Variants in ADSS1 observed in about 807,000 individuals in gnomAD.
ADSS1 encodes adenylosuccinate synthetase isozyme 1.
Under a neutral mutation model 59.1 loss-of-function variants are expected in ADSS1, and 57 were observed. The ratio of observed to expected loss-of-function variants is 0.97; its 90% CI spans 0.78 to 1.20. The LOEUF is 1.20. Ranked by LOEUF, ADSS1 falls within the 50% of genes most tolerant of loss-of-function variation. The probability of loss-of-function intolerance (pLI) is 0.00; values close to 1 mark genes in which losing one functional copy is unlikely to be tolerated. For missense variants in ADSS1, 603 were observed against 610.3 expected, an observed-to-expected ratio of 0.99 and a Z score of 0.13; for synonymous variants, 247 against 249.4, an observed-to-expected ratio of 0.99 and a Z score of 0.09.
At chr14:104,725,482 C>A (rs148971470) in intron 1 of ADSS1, among the ~76,000 whole-genome samples, 1 of 151,356 alleles carries the variant, frequency 6.6e-6, no homozygotes, top group Non-Finnish European at 1.5e-5. Flanking sequence ...GGGCCCAAGA[C>A]GAAGGGAGTC....
rs1197941914 is a variant in ADSS1, at chr14:104,747,080, C to T, written c.*77C>T. Reference sequence around the variant, plus strand: ...AACAGCAGCAGTCACGTTCCTCGGCCGCCACAACCAACACCAAAGCAGGAA... The same window carrying T: ...AACAGCAGCAGTCACGTTCCTCGGCTGCCACAACCAACACCAAAGCAGGAA... On this transcript the variant is annotated 3_prime_UTR_variant, in exon 13 of 13. Coordinates refer to ENST00000330877, the MANE Select transcript of ADSS1 (RefSeq NM_152328.5). 5.2e-6 allele frequency: 7 copies of T among 1,342,404 alleles called. No homozygotes were observed. Among genetic ancestry groups the T allele is most frequent in the African/African-American group, 4.3e-5 (3 of 69,090 alleles). 83.2% of individuals were successfully genotyped at this position (1,342,404 alleles called of 1,614,324 possible).
At chr14:104,738,779 G>A (rs1015736222) in intron 3 of ADSS1, among the ~76,000 whole-genome samples, 1 of 152,250 alleles carries the variant, frequency 6.6e-6, no homozygotes, top group Non-Finnish European at 1.5e-5. Flanking sequence ...TGGGGGCTCT[G>A]CGGAGCATCT....
chr14:104,727,235 C>T (rs1039019263), intron 1 of ADSS1, among the ~76,000 whole-genome samples: 13 of 152,196 alleles, frequency 8.5e-5, no homozygotes, highest in Non-Finnish European at 1.8e-4. Context: ...CACAGCCTCC[C>T]GCCTTGGGTC....
In ADSS1 at chr14:104,747,076, C is replaced by A; in HGVS notation, c.*73C>A. Reference sequence around the variant, plus strand: ...TGTAAACAGCAGCAGTCACGTTCCTCGGCCGCCACAACCAACACCAAAGCA... The same window carrying A: ...TGTAAACAGCAGCAGTCACGTTCCTAGGCCGCCACAACCAACACCAAAGCA... On this transcript the variant is annotated 3_prime_UTR_variant, in exon 13 of 13. Coordinates refer to ENST00000330877, the MANE Select transcript of ADSS1 (RefSeq NM_152328.5). 7.2e-7 allele frequency: 1 copy of A among 1,385,522 alleles called. No individual in the cohort carries two copies. Among genetic ancestry groups the A allele is most frequent in the Non-Finnish European group, 9.9e-7 (1 of 1,006,772 alleles). The allele number at this position is 1,385,522 out of a possible 1,614,324, so 85.8% of individuals were successfully genotyped here. A position where few individuals can be genotyped will look rare whatever the true frequency, so the allele number is the denominator to read the frequency against.
At chr14:104,742,789 C>T (rs566956544) in intron 9 of ADSS1, among the ~76,000 whole-genome samples, 64 of 152,356 alleles carry the variant, frequency 4.2e-4, no homozygotes, top group African/African-American at 8.7e-4. Flanking sequence ...CGTGCCTTCC[C>T]CAGCTCACAA....
intron 1 of ADSS1, among the ~76,000 whole-genome samples, chr14:104,729,222 G>A (rs533024927): frequency 1.3e-5 from 2 of 152,296 alleles, no homozygotes; most frequent in Admixed American, 1.3e-4. Context: ...CAAGTGGGCC[G>A]GGAGTGGAGG....
Position 104,740,443 on chromosome 14 carries a change from G to A in ADSS1, c.477-158G>A, listed in dbSNP as rs555392639. Among the ~76,000 whole-genome samples the A allele has an allele frequency of 5.9e-5, 9 of 152,030 alleles. No homozygotes were observed. Among genetic ancestry groups the A allele is most frequent in the Admixed American group, 2.6e-4 (4 of 15,278 alleles). ...ACCATACCAGTACATCCATGCTAGT[G>A]CGTACACCCACACACGCACACACTC... On this transcript the variant is annotated intron_variant, in intron 5 of 12. Transcript: ENST00000330877. The surrounding 1 kb of genome is among the most constrained non-coding windows in gnomAD (Gnocchi z 4.8).
chr14:104,743,180 C>T lies in ADSS1; in HGVS notation c.1062C>T (p.Asn354=), dbSNP rs776105648. ...TTCTAAGATATGCTCACATGGTCAA[C>T]GGATTCACTGCGTAAGCAACCCATG... ...LMILRYAHMV[N]GFTALALTKL... The change falls in exon 10 of 13, where the codon AAC becomes AAT. Residue 354 remains asparagine (N), a synonymous_variant. Coordinates refer to ENST00000330877, the MANE Select transcript of ADSS1 (RefSeq NM_152328.5). The T allele has an allele frequency of 8.7e-6, 14 of 1,611,168 alleles. No homozygotes were observed. Among genetic ancestry groups the T allele is most frequent in the South Asian group, 2.2e-5 (2 of 91,076 alleles).
chr14:104,730,959 G>T (rs1410764012), intron 1 of ADSS1, among the ~76,000 whole-genome samples: 1 of 24,082 alleles, frequency 4.2e-5, no homozygotes, highest in Non-Finnish European at 9.1e-5. Context: ...GGCAGAGAGT[G>T]GGGGGGGGGG....
At chr14:104,738,114 A>G (rs1008667784) in intron 2 of ADSS1, 8 of 290,360 alleles carry the variant, frequency 2.8e-5, no homozygotes, top group African/African-American at 1.8e-4. Context: ...CTCCTGCCTC[A>G]GCCTCCCGAG....
intron 1 of ADSS1, among the ~76,000 whole-genome samples, chr14:104,731,862 C>G (rs1278864616): frequency 1.3e-5 from 2 of 152,222 alleles, no homozygotes; most frequent in South Asian, 2.1e-4. Context: ...CTGGAACAAG[C>G]AGACCCTGAG....
chr14:104,734,045 A>C (rs1891028466), intron 1 of ADSS1, among the ~76,000 whole-genome samples: 1 of 152,318 alleles, frequency 6.6e-6, no homozygotes, highest in Non-Finnish European at 1.5e-5. Flanking sequence ...TGCTGTAGGG[A>C]TATCCCTTGC....
Position 104,744,875 on chromosome 14 carries a change from C to T in ADSS1, c.1137C>T (p.Tyr379=), listed in dbSNP as rs1475940553. The change falls in exon 11 of 13, where the codon TAC becomes TAT. Residue 379 remains tyrosine (Y), a synonymous_variant. Coordinates refer to ENST00000330877, the MANE Select transcript of ADSS1 (RefSeq NM_152328.5). ...VLGEVKVGVS[Y]KLNGKRIPYF... ...GTGAGGTTAAAGTCGGTGTCTCATA[C>T]AAGCTGAACGGGAAAAGGATTCCCT... 3 of 1,614,152 alleles carry T rather than the reference C, an allele frequency of 1.9e-6. No homozygotes were observed. The highest frequency in any genetic ancestry group is 1.3e-5 in the African/African-American group (1 of 75,056).
intron 2 of ADSS1, chr14:104,738,164 T>A (rs1377466212): frequency 1.9e-5 from 8 of 410,484 alleles, no homozygotes; most frequent in Non-Finnish European, 3.6e-5. Context: ...GCCAAGATAA[T>A]TTTTTGTATT....
At chr14:104,727,418 C>A (rs749471172) in intron 1 of ADSS1, among the ~76,000 whole-genome samples, 2 of 152,010 alleles carry the variant, frequency 1.3e-5, no homozygotes, top group African/African-American at 2.4e-5. Flanking sequence ...ACTATGCCAT[C>A]TTCCTCCTTG....
At chr14:104,730,314 AC>A in intron 1 of ADSS1, 3 of 1,275,534 alleles carry the variant, frequency 2.4e-6, no homozygotes, top group Non-Finnish European at 3.1e-6. Context: ...GCCAAGTGAA[AC>A]CCGGTTTCTA....
chr14:104,731,384 C>T (rs936646756), intron 1 of ADSS1, among the ~76,000 whole-genome samples: 2 of 152,206 alleles, frequency 1.3e-5, no homozygotes, highest in African/African-American at 2.4e-5. Flanking sequence ...GGGTGACTGT[C>T]CATGGCAGCT....
chr14:104,729,353 TGGGACCCGCACG>T (rs994496243), intron 1 of ADSS1, among the ~76,000 whole-genome samples: 3 of 152,108 alleles, frequency 2.0e-5, no homozygotes, highest in African/African-American at 7.2e-5. Context: ...AGGGCAAGGC[TGGGACCCGCACG>T]GGTGACAAGC....
intron 1 of ADSS1, among the ~76,000 whole-genome samples, chr14:104,729,333 C>G (rs568762522): frequency 1.1e-4 from 16 of 152,224 alleles, no homozygotes; most frequent in African/African-American, 3.9e-4. Context: ...AGGAGCAGGA[C>G]GATGGCTGCA....
Sources: gnomAD v4.1 joint callset for allele counts (sites outside exome capture counted in the v4.1 genomes callset) on GRCh38, gnomAD v4.1.1 for gene constraint, Gnocchi (gnomAD v3.1) non-coding constraint, MANE v1.5 for transcripts, NCBI Gene and HGNC (gene_info 2026-07-23, HGNC 2026-07-21) for gene names.